RTN1: variants seen among roughly 807,000 people sequenced by gnomAD.
The protein encoded by RTN1 is reticulon-1.
Under a neutral mutation model 65.5 loss-of-function variants are expected in RTN1, and 25 were observed. The observed-to-expected ratio is 0.38, with a 90% confidence interval of 0.28 to 0.53. RTN1 has a LOEUF of 0.53. Among genes scored for constraint, RTN1 ranks in the 20% least tolerant of loss-of-function variants. The pLI is 0.79. For synonymous variants in RTN1, 471 were observed against 447.6 expected (o/e 1.05, Z -0.66); for missense variants, 983 against 1,025.4 (o/e 0.96, Z 0.57).
chr14:59,870,472 G>A lies in RTN1; in HGVS notation c.159C>T (p.Ala53=), dbSNP rs1435902385. ...CCCGCGACGCCGCTTCCCGGGCCCTGGCGCCCAACCCCGGGCTGGGCTCCC... is the reference window on the plus strand; with the variant it reads ...CCCGCGACGCCGCTTCCCGGGCCCTAGCGCCCAACCCCGGGCTGGGCTCCC... ...QAGEPSPGLG[A]RAREAASREA... Residue 53 remains alanine (A), a synonymous_variant, in exon 1 of 9, where the codon GCC becomes GCT. Transcript: ENST00000267484. This position sits in a 1 kb window ranked among gnomAD's most constrained non-coding sequence, Gnocchi z 5.1. 2 of 1,479,892 alleles carry A rather than the reference G, an allele frequency of 1.4e-6. No individual in the cohort carries two copies. Among genetic ancestry groups the A allele is most frequent in the Admixed American group, 2.4e-5 (1 of 41,976 alleles). The allele number at this position is 1,479,892 out of a possible 1,614,324, so 91.7% of individuals were successfully genotyped here.
chr14:59,797,384 G>T (rs1886459496), intron 1 of RTN1, among the ~76,000 whole-genome samples: 1 of 152,158 alleles, frequency 6.6e-6, no homozygotes, highest in African/African-American at 2.4e-5. Flanking sequence ...GCTTTGAAAG[G>T]AGTCAAAGTG....
chr14:59,682,594 T>C (rs776433837), intron 3 of RTN1, among the ~76,000 whole-genome samples: 4 of 152,160 alleles, frequency 2.6e-5, no homozygotes, highest in Non-Finnish European at 5.9e-5. Context: ...TCTGTTTACA[T>C]TAACACAACA....
Position 59,629,203 on chromosome 14 carries a change from A to G in RTN1, c.1766-21711T>C, listed in dbSNP as rs148511693. ...CAGCTCCATCGATTTACTTTTGACA[A>G]CGGTATTTCCAACACTCACATAATT... On this transcript the variant is annotated intron_variant, in intron 3 of 8. Coordinates refer to ENST00000267484, the MANE Select transcript of RTN1 (RefSeq NM_021136.3). Among the ~76,000 whole-genome samples the G allele has an allele frequency of 5.5e-3, 843 of 152,354 alleles. 19 individuals carry two copies. Among genetic ancestry groups the G allele is most frequent in the Admixed American group, 0.045 (696 of 15,306 alleles).
intron 1 of RTN1, among the ~76,000 whole-genome samples, chr14:59,847,931 T>C (rs1887437816): frequency 6.6e-6 from 1 of 152,134 alleles, no homozygotes; most frequent in Non-Finnish European, 1.5e-5. Flanking sequence ...TGTTTACAAA[T>C]CCCACGTGAA....
chr14:59,614,397 G>C (rs1281403242), intron 3 of RTN1, among the ~76,000 whole-genome samples: 1 of 152,076 alleles, frequency 6.6e-6, no homozygotes, highest in Non-Finnish European at 1.5e-5. Flanking sequence ...TAAATCTCCT[G>C]TCTGTGTATT....
At chr14:59,717,585 TG>T (rs1594696808) in intron 3 of RTN1, among the ~76,000 whole-genome samples, 1 of 152,188 alleles carries the variant, frequency 6.6e-6, no homozygotes, top group Non-Finnish European at 1.5e-5. Flanking sequence ...CATATACTGT[TG>T]GGGCCTTTGT....
intron 3 of RTN1, among the ~76,000 whole-genome samples, chr14:59,669,586 C>T (rs925280219): frequency 6.6e-6 from 1 of 151,558 alleles, no homozygotes; most frequent in Non-Finnish European, 1.5e-5. Flanking sequence ...GCATATGTAC[C>T]CTAGAACTTT....
At chr14:59,662,614 T>C (rs537155603) in intron 3 of RTN1, among the ~76,000 whole-genome samples, 40 of 152,124 alleles carry the variant, frequency 2.6e-4, no homozygotes, top group African/African-American at 8.2e-4. Flanking sequence ...CATTCTTATA[T>C]GCCAATAATA....
At chr14:59,866,089 T>C (rs1213229359) in intron 1 of RTN1, among the ~76,000 whole-genome samples, 2 of 152,100 alleles carry the variant, frequency 1.3e-5, no homozygotes, top group African/African-American at 4.8e-5. Context: ...TAGTCAAGCT[T>C]CCAGCAATAA....
intron 3 of RTN1, among the ~76,000 whole-genome samples, chr14:59,650,356 T>C (rs538089531): frequency 6.6e-6 from 1 of 152,294 alleles, no homozygotes; most frequent in African/African-American, 2.4e-5. Context: ...CCATGGCACA[T>C]GTATACCTAT....
intron 1 of RTN1, among the ~76,000 whole-genome samples, chr14:59,787,201 A>G (rs770795704): frequency 8.5e-5 from 13 of 152,242 alleles, no homozygotes; most frequent in East Asian, 1.9e-4. Context: ...TCTGTGACTC[A>G]CTGTGGAGCT....
chr14:59,725,551 C>G (rs1305574053), intron 3 of RTN1, among the ~76,000 whole-genome samples: 1 of 152,220 alleles, frequency 6.6e-6, no homozygotes, highest in Non-Finnish European at 1.5e-5. Flanking sequence ...CCAACAAACA[C>G]ATTCCCACCG....
At chr14:59,856,266 T>C (rs1844068125) in intron 1 of RTN1, among the ~76,000 whole-genome samples, 1 of 152,148 alleles carries the variant, frequency 6.6e-6, no homozygotes, top group Non-Finnish European at 1.5e-5. Context: ...TCTAGAGCAA[T>C]CATGTTTTTA....
intron 1 of RTN1, among the ~76,000 whole-genome samples, chr14:59,824,641 G>C (rs1301414209): frequency 1.3e-5 from 2 of 152,198 alleles, no homozygotes; most frequent in Admixed American, 1.3e-4. Context: ...TGTGGTGACA[G>C]CTCCCATGCT....
Position 59,683,157 on chromosome 14 carries a change from C to T in RTN1, c.1765+43762G>A, listed in dbSNP as rs1883778375. ...CTTTCTATTGGAAATCACTAGTTGG[C>T]ATCAACTCTTTGCTTTTATATAGCT... On this transcript the variant is annotated intron_variant, in intron 3 of 8. Transcript: ENST00000267484. Among the ~76,000 whole-genome samples the T allele has an allele frequency of 3.3e-5, 5 of 152,236 alleles. No individual in the cohort carries two copies. In the South Asian group the frequency reaches 1.0e-3, roughly 32 times the overall value.
rs923894204 is a variant in RTN1 at position 59,870,497 on chromosome 14, C to T, written c.134G>A (p.Gly45Glu). ...PKGATPAPQA[G>E]EPSPGLGARA... is the part of the protein sequence containing the mutation. ...GGCGCCCAACCCCGGGCTGGGCTCC[C>T]CAGCCTGCGGCGCCGGCGTGGCCCC... The change falls in exon 1 of 9, where the codon GGG (glycine) becomes GAG (glutamate). Residue 45 changes from glycine (G) to glutamate (E), a missense_variant. Gly to Glu is a moderately conservative substitution (Grantham distance 98). This residue lies in a region of RTN1 where 818 missense variants were observed against 801.8 expected (regional missense o/e 1.02). Coordinates refer to ENST00000267484, the MANE Select transcript of RTN1 (RefSeq NM_021136.3). This position sits in a 1 kb window ranked among gnomAD's most constrained non-coding sequence, Gnocchi z 5.1. 7 of 1,457,760 alleles carry T rather than the reference C, an allele frequency of 4.8e-6. No individual in the cohort carries two copies. Among genetic ancestry groups the T allele is most frequent in the Non-Finnish European group, 6.3e-6 (7 of 1,111,548 alleles). The allele number at this position is 1,457,760 out of a possible 1,614,324, so 90.3% of individuals were successfully genotyped here.
chr14:59,815,404 C>G (rs574020863), intron 1 of RTN1, among the ~76,000 whole-genome samples: 1 of 152,274 alleles, frequency 6.6e-6, no homozygotes, highest in East Asian at 1.9e-4. Flanking sequence ...TGCTCATCCC[C>G]TTTCCCTCTC....
chr14:59,766,935 C>T lies in RTN1; in HGVS notation c.242-20454G>A, dbSNP rs1885860831. Among the ~76,000 whole-genome samples the T allele has an allele frequency of 6.6e-6, 1 of 152,166 alleles. No individual in the cohort carries two copies. The highest frequency in any genetic ancestry group is 2.4e-5 in the African/African-American group (1 of 41,444). On this transcript the variant is annotated intron_variant, in intron 1 of 8. Transcript: ENST00000267484. The surrounding 1 kb of genome is among the most constrained non-coding windows in gnomAD (Gnocchi z 4.4). ...ATCCCAGTATATCGGGCACTGAGCACCTACTATGTGGTAGGTACTTATTCT... is the reference window on the plus strand; with the variant it reads ...ATCCCAGTATATCGGGCACTGAGCATCTACTATGTGGTAGGTACTTATTCT...
At chr14:59,699,099 T>G (rs923928102) in intron 3 of RTN1, among the ~76,000 whole-genome samples, 1 of 152,114 alleles carries the variant, frequency 6.6e-6, no homozygotes, top group Non-Finnish European at 1.5e-5. Context: ...AAACATAATT[T>G]TGGTGGCTGA....
Sources: gnomAD v4.1 joint callset for allele counts (sites outside exome capture counted in the v4.1 genomes callset) on GRCh38, gnomAD v4.1.1 for gene constraint, gnomAD v4.1.1 regional missense constraint, Gnocchi (gnomAD v3.1) non-coding constraint, MANE v1.5 for transcripts, NCBI Gene and HGNC (gene_info 2026-07-23, HGNC 2026-07-21) for gene names.